Variants in ADAMTSL1 observed in about 807,000 individuals in gnomAD.
ADAMTSL1 encodes the protein ADAMTS like 1.
ADAMTSL1 carries 126 observed loss-of-function variants against 201.8 expected under a neutral mutation model. That is an observed-to-expected ratio of 0.62 (90% CI 0.54 to 0.72). The LOEUF is 0.72. Ranked by LOEUF, ADAMTSL1 falls within the 30% of genes least tolerant of loss-of-function variation. The probability of loss-of-function intolerance (pLI) is 0.00; values close to 1 mark genes in which losing one functional copy is unlikely to be tolerated. For synonymous variants in ADAMTSL1, 1,121 were observed against 903.4 expected (o/e 1.24, Z -4.32); for missense variants, 2,679 against 2,277.8 (o/e 1.18, Z -3.59).
chr9:18,429,140 C>A (rs1055306974), intron 2 of ADAMTSL1, among the ~76,000 whole-genome samples: 4 of 151,932 alleles, frequency 2.6e-5, no homozygotes, highest in Non-Finnish European at 4.4e-5. Flanking sequence ...TATACATACA[C>A]GTATGTGAAT....
chr9:18,390,801 A>G (rs1563929798), intron 2 of ADAMTSL1, among the ~76,000 whole-genome samples: 1 of 152,114 alleles, frequency 6.6e-6, no homozygotes, highest in Non-Finnish European at 1.5e-5. Flanking sequence ...AAAAAACAAA[A>G]CAAAACAAAA....
chr9:18,192,770 C>T (rs1176606417), intron 2 of ADAMTSL1, among the ~76,000 whole-genome samples: 1 of 152,012 alleles, frequency 6.6e-6, no homozygotes, highest in East Asian at 1.9e-4. Flanking sequence ...ATATACAATG[C>T]ATGGTTTTAG....
rs376792822 is a variant in ADAMTSL1, at chr9:18,188,777, T to C, written c.207+24796T>C. On this transcript the variant is annotated intron_variant, in intron 2 of 29. Coordinates refer to the ADAMTSL1 transcript ENST00000680146. ...ATGGTTTCTTTACTTTATTGTTTTG[T>C]AATTATCTGCTTATCTATTTTCCTA... 2.7e-4 allele frequency among the ~76,000 whole-genome samples: 41 copies of C among 152,334 alleles called. 1 individual carries two copies. In the East Asian group the frequency reaches 7.1e-3, roughly 27 times the overall value.
rs543074985 is a variant in ADAMTSL1, at chr9:18,659,345, C to G, written c.946+1595C>G. Among the ~76,000 whole-genome samples the G allele has an allele frequency of 3.4e-4, 52 of 152,328 alleles. No homozygotes were observed. In the South Asian group the frequency reaches 0.011, roughly 31 times the overall value. ...TCTATGGAGCAATGTTGGATTTTAGCTTAAAAGAAGTCAGTAGAAGTGCCA... is the reference window on the plus strand; with the variant it reads ...TCTATGGAGCAATGTTGGATTTTAGGTTAAAAGAAGTCAGTAGAAGTGCCA... On this transcript the variant is annotated intron_variant, in intron 8 of 28. Coordinates refer to ENST00000380548, the MANE Select transcript of ADAMTSL1 (RefSeq NM_001040272.6).
chr9:18,712,395 A>G (rs1049200210), intron 14 of ADAMTSL1, among the ~76,000 whole-genome samples: 53 of 151,880 alleles, frequency 3.5e-4, no homozygotes, highest in Non-Finnish European at 5.0e-4. Context: ...AATACAGAGA[A>G]GTGCTTAAAG....
intron 4 of ADAMTSL1, among the ~76,000 whole-genome samples, chr9:18,581,918 C>A (rs1823122768): frequency 1.3e-5 from 2 of 152,196 alleles, no homozygotes; most frequent in South Asian, 4.1e-4. Flanking sequence ...GTGCCTCAGA[C>A]CTAAGAGTCA....
intron 2 of ADAMTSL1, among the ~76,000 whole-genome samples, chr9:18,232,872 C>T (rs971436156): frequency 1.3e-5 from 2 of 152,112 alleles, no homozygotes; most frequent in African/African-American, 4.8e-5. Context: ...TGATATTCAG[C>T]ATATTAATAT....
chr9:18,657,709 G>A lies in ADAMTSL1; in HGVS notation c.905G>A (p.Arg302Lys). Residue 302 changes from arginine (R) to lysine (K), a missense_variant, in exon 8 of 29, where the codon AGG becomes AAG. Coordinates refer to ENST00000380548, the MANE Select transcript of ADAMTSL1 (RefSeq NM_001040272.6). ...TATCAACCCATCATCCACCGATGGA[G>A]GGAGACGGATTTCTTTCCTTGCTCA... ...IFYQPIIHRWRETDFFPCSAT... is the reference protein window; with the variant it reads ...IFYQPIIHRWKETDFFPCSAT... 1.2e-6 allele frequency: 2 copies of A among 1,614,208 alleles called. No homozygotes were observed. Among genetic ancestry groups the A allele is most frequent in the Non-Finnish European group, 1.7e-6 (2 of 1,180,012 alleles).
chr9:18,062,317 T>C (rs773471533), intron 1 of ADAMTSL1, among the ~76,000 whole-genome samples: 1 of 152,202 alleles, frequency 6.6e-6, no homozygotes, highest in African/African-American at 2.4e-5. Context: ...AAGTTTGATA[T>C]TGAGTTAAAA....
intron 2 of ADAMTSL1, among the ~76,000 whole-genome samples, chr9:18,510,896 A>G (rs1332199361): frequency 6.6e-6 from 1 of 152,136 alleles, no homozygotes; most frequent in Non-Finnish European, 1.5e-5. Flanking sequence ...ATACTCTGAA[A>G]TAATATTTAT....
At chr9:18,411,709 T>A (rs1818452007) in intron 2 of ADAMTSL1, among the ~76,000 whole-genome samples, 1 of 152,134 alleles carries the variant, frequency 6.6e-6, no homozygotes, top group Non-Finnish European at 1.5e-5. Context: ...ATGACCCCCA[T>A]TTTTTTAGTG....
chr9:18,080,936 T>C (rs1021262821), intron 1 of ADAMTSL1, among the ~76,000 whole-genome samples: 4 of 152,238 alleles, frequency 2.6e-5, no homozygotes, highest in Non-Finnish European at 4.4e-5. Flanking sequence ...TTCTAACATA[T>C]TTATTAATAT....
At chr9:18,091,141 A>C (rs766401701) in intron 1 of ADAMTSL1, among the ~76,000 whole-genome samples, 2 of 151,940 alleles carry the variant, frequency 1.3e-5, no homozygotes, top group Non-Finnish European at 2.9e-5. Flanking sequence ...ATTGGTAGTC[A>C]ACCATTAGCC....
At chr9:18,495,505 T>G (rs1008502694) in intron 1 of ADAMTSL1, among the ~76,000 whole-genome samples, 6 of 152,198 alleles carry the variant, frequency 3.9e-5, no homozygotes, top group African/African-American at 1.4e-4. Flanking sequence ...TAGGTTGGTT[T>G]GCTTTACATT....
intron 7 of ADAMTSL1, among the ~76,000 whole-genome samples, chr9:18,643,190 T>A (rs1012457742): frequency 6.6e-6 from 1 of 152,130 alleles, no homozygotes; most frequent in Non-Finnish European, 1.5e-5. Flanking sequence ...TGAGCATTTT[T>A]AAATATGCCT....
chr9:18,513,796 T>A (rs1252324924), intron 2 of ADAMTSL1, among the ~76,000 whole-genome samples: 1 of 152,196 alleles, frequency 6.6e-6, no homozygotes, highest in Non-Finnish European at 1.5e-5. Context: ...GTGTGAGTGT[T>A]TTTCTAGGTG....
intron 1 of ADAMTSL1, among the ~76,000 whole-genome samples, chr9:17,913,180 C>A (rs1588403926): frequency 1.3e-5 from 2 of 152,246 alleles, no homozygotes; most frequent in East Asian, 3.9e-4. Context: ...GCAATGTGGG[C>A]TCTTTTTTGG....
At chr9:18,453,687 C>A (rs758941083) in intron 2 of ADAMTSL1, among the ~76,000 whole-genome samples, 27 of 152,254 alleles carry the variant, frequency 1.8e-4, no homozygotes, top group Admixed American at 3.3e-4. Context: ...CTCTTAAATT[C>A]CACCTTCCCC....
At chr9:18,216,654 T>C (rs1407672250) in intron 2 of ADAMTSL1, among the ~76,000 whole-genome samples, 1 of 151,728 alleles carries the variant, frequency 6.6e-6, no homozygotes, top group Admixed American at 6.6e-5. Context: ...TCTCCTTTTT[T>C]TTTTTTTTTT....
Sources: gnomAD v4.1 joint callset for allele counts (sites outside exome capture counted in the v4.1 genomes callset) on GRCh38, gnomAD v4.1.1 for gene constraint, MANE v1.5 for transcripts, NCBI Gene and HGNC (gene_info 2026-07-23, HGNC 2026-07-21) for gene names.